The following SLC25A48 variants were observed in gnomAD, a reference collection of about 807,000 sequenced individuals.
The protein encoded by SLC25A48 is solute carrier family 25 member 48.
SLC25A48 carries 29 observed loss-of-function variants against 32.2 expected under a neutral mutation model. The ratio of observed to expected loss-of-function variants is 0.90; its 90% CI spans 0.67 to 1.23. The LOEUF (loss-of-function observed/expected upper bound fraction) is 1.23. Among genes scored for constraint, SLC25A48 ranks in the 50% most tolerant of loss-of-function variants. The probability of loss-of-function intolerance (pLI) is 0.00; values close to 1 mark genes in which losing one functional copy is unlikely to be tolerated. For missense variants in SLC25A48, 399 were observed against 422.7 expected, an observed-to-expected ratio of 0.94 and a Z score of 0.49; for synonymous variants, 164 against 172.3, an observed-to-expected ratio of 0.95 and a Z score of 0.38.
intron 6 of SLC25A48, chr5:135,875,629 T>A (rs1761977930): frequency 6.6e-6 from 1 of 152,238 alleles, no homozygotes; most frequent in Admixed American, 6.5e-5. Context: ...CAAATGCTTA[T>A]TTTTAGAGCA....
At chr5:135,800,407 C>T (rs1757291514) in intron 3 of SLC25A48, among the ~76,000 whole-genome samples, 1 of 151,862 alleles carries the variant, frequency 6.6e-6, no homozygotes, top group Non-Finnish European at 1.5e-5. Flanking sequence ...TATCCAGAAG[C>T]TAAGCAGATG....
chr5:135,793,604 A>C (rs1364054352), intron 3 of SLC25A48, among the ~76,000 whole-genome samples: 7 of 151,732 alleles, frequency 4.6e-5, no homozygotes, highest in Non-Finnish European at 1.5e-5. Flanking sequence ...ATACTTTTGG[A>C]TATTATTCAT....
At chr5:135,631,667 C>T (rs1287577966) in intron 2 of SLC25A48, among the ~76,000 whole-genome samples, 2 of 152,234 alleles carry the variant, frequency 1.3e-5, no homozygotes, top group Non-Finnish European at 2.9e-5. Flanking sequence ...CTGTCAAAGT[C>T]ATTCTCATGT....
chr5:135,768,199 C>A (rs961171443), intron 3 of SLC25A48, among the ~76,000 whole-genome samples: 16 of 134,318 alleles, frequency 1.2e-4, no homozygotes, highest in Non-Finnish European at 2.2e-4. Context: ...GAGTGTACAC[C>A]CCACTGTGAT....
chr5:135,760,147 C>T (rs978698520), intron 3 of SLC25A48, among the ~76,000 whole-genome samples: 2 of 152,144 alleles, frequency 1.3e-5, no homozygotes, highest in African/African-American at 4.8e-5. Flanking sequence ...ATTATATCAT[C>T]TTGATGATTT....
chr5:135,831,448 G>A (rs1461819526), upstream of SLC25A48, among the ~76,000 whole-genome samples: 1 of 152,228 alleles, frequency 6.6e-6, no homozygotes, highest in Non-Finnish European at 1.5e-5. Context: ...ATCAACCACT[G>A]AGTCTGACAG....
intron 6 of SLC25A48, chr5:135,874,637 C>A (rs1229830268): frequency 1.4e-5 from 10 of 696,502 alleles, no homozygotes; most frequent in Non-Finnish European, 2.4e-5. Flanking sequence ...TGAGCCCTGA[C>A]CCCAGACCTC....
chr5:135,756,812 C>A (rs891438678), intron 3 of SLC25A48, among the ~76,000 whole-genome samples: 71 of 151,388 alleles, frequency 4.7e-4, no homozygotes, highest in African/African-American at 1.6e-3. Context: ...AATAAAATAT[C>A]ATCTAGATGA....
chr5:135,779,143 C>T (rs1382274655), intron 3 of SLC25A48, among the ~76,000 whole-genome samples: 1 of 151,410 alleles, frequency 6.6e-6, no homozygotes, highest in Non-Finnish European at 1.5e-5. Flanking sequence ...AAGCGTACAC[C>T]CACCCCCTCT....
chr5:135,874,723 GCTTAA>G, intron 6 of SLC25A48: 1 of 702,126 alleles, frequency 1.4e-6, no homozygotes, highest in Non-Finnish European at 2.6e-6. Flanking sequence ...CAGCTCAAGA[GCTTAA>G]CTTAACACAC....
At chr5:135,659,095 A>G (rs1195287487) in intron 3 of SLC25A48, among the ~76,000 whole-genome samples, 1 of 152,170 alleles carries the variant, frequency 6.6e-6, no homozygotes, top group Non-Finnish European at 1.5e-5. Context: ...TTTCTACAAC[A>G]TGGTCGATCT....
chr5:135,803,288 G>A (rs955377200), intron 3 of SLC25A48, among the ~76,000 whole-genome samples: 4 of 151,512 alleles, frequency 2.6e-5, no homozygotes, highest in Admixed American at 6.6e-5. Context: ...CACAGTGGGT[G>A]TACACCTTGT....
At chr5:135,886,702 G>A (rs1762751853) in intron 7 of SLC25A48, among the ~76,000 whole-genome samples, 1 of 130,242 alleles carries the variant, frequency 7.7e-6, no homozygotes. Flanking sequence ...GAGAGAGAGA[G>A]TGTGTGTGTG....
intron 4 of SLC25A48, among the ~76,000 whole-genome samples, chr5:135,855,057 G>T (rs1475601054): frequency 6.6e-6 from 1 of 152,152 alleles, no homozygotes; most frequent in Non-Finnish European, 1.5e-5. Context: ...TGATTAAGCT[G>T]ACTCTCTTAT....
chr5:135,743,244 G>A (rs1755551577), intron 3 of SLC25A48, among the ~76,000 whole-genome samples: 1 of 149,808 alleles, frequency 6.7e-6, no homozygotes, highest in South Asian at 2.2e-4. Context: ...GCTAATTTTT[G>A]TATTTTCAGT....
chr5:135,776,168 C>T (rs905613270), intron 3 of SLC25A48, among the ~76,000 whole-genome samples: 6 of 150,850 alleles, frequency 4.0e-5, no homozygotes, highest in Admixed American at 3.3e-4. Flanking sequence ...GTACACCTCA[C>T]TTATAATATT....
intron 1 of SLC25A48, among the ~76,000 whole-genome samples, chr5:135,602,280 C>A (rs1192147611): frequency 6.6e-6 from 1 of 152,236 alleles, no homozygotes; most frequent in Non-Finnish European, 1.5e-5. Context: ...AATGTACTTT[C>A]CCCAAATCAT....
At chr5:135,741,274 C>T (rs1305619914) in intron 3 of SLC25A48, among the ~76,000 whole-genome samples, 1 of 152,094 alleles carries the variant, frequency 6.6e-6, no homozygotes, top group Non-Finnish European at 1.5e-5. Context: ...ATCCAGAGGG[C>T]AGCACAGGGT....
chr5:135,692,223 C>T (rs769905944), intron 3 of SLC25A48, among the ~76,000 whole-genome samples: 19 of 148,570 alleles, frequency 1.3e-4, no homozygotes, highest in Non-Finnish European at 2.1e-4. Context: ...GAGGCTGAGG[C>T]GGGAGAATTG....
Sources: allele counts gnomAD v4.1 joint callset (sites outside exome capture counted in the v4.1 genomes callset), GRCh38; gene constraint gnomAD v4.1.1; transcripts MANE v1.5; gene names NCBI Gene and HGNC (gene_info 2026-07-23, HGNC 2026-07-21).